NEMP2: variants seen among roughly 807,000 people sequenced by gnomAD.
NEMP2 encodes the protein nuclear envelope integral membrane protein 2, also known as UPF0571 transmembrane protein.
Under a neutral mutation model 54.2 loss-of-function variants are expected in NEMP2, and 53 were observed. That is an observed-to-expected ratio of 0.98 (90% CI 0.78 to 1.23). NEMP2 has a LOEUF of 1.23. NEMP2 is among the 50% of genes most tolerant of loss of function. The probability of loss-of-function intolerance (pLI) is 0.00; values close to 1 mark genes in which losing one functional copy is unlikely to be tolerated. For synonymous variants in NEMP2, 197 were observed against 190.3 expected, an observed-to-expected ratio of 1.04 and a Z score of -0.29; for missense variants, 455 against 511.3, an observed-to-expected ratio of 0.89 and a Z score of 1.06.
the NEMP2 span, among the ~76,000 whole-genome samples, chr2:190,627,351 G>A: frequency 8.8e-3 from 1,334 of 152,298 alleles, 18 homozygotes; most frequent in African/African-American, 0.03. This position sits in a 1 kb window ranked among gnomAD's most constrained non-coding sequence, Gnocchi z 4.4. Flanking sequence ...CACAGATAAT[G>A]TGTTTTTATT....
the NEMP2 span, among the ~76,000 whole-genome samples, chr2:190,572,844 T>TC: frequency 4.0e-5 from 4 of 100,626 alleles, no homozygotes; most frequent in African/African-American, 1.5e-4. Context: ...TATATATATA[T>TC]ATATATATAT....
At chr2:190,636,278 G>A in the NEMP2 span, among the ~76,000 whole-genome samples, 52 of 151,970 alleles carry the variant, frequency 3.4e-4, no homozygotes, top group Non-Finnish European at 5.7e-4. Flanking sequence ...TAATTATGAG[G>A]AAAAAAAATC....
In NEMP2 at chr2:190,510,658, G is replaced by T. The variant is rs1690330067; in HGVS notation, c.954-121C>A. On this transcript the variant is annotated intron_variant, in intron 7 of 8. Transcript: ENST00000409150. This position sits in a 1 kb window ranked among gnomAD's most constrained non-coding sequence, Gnocchi z 5.7. ...GCATTTTGGGAGGCCTGGGGAGGCG[G>T]ATCACGAGGTCAGGAGATTGAGACG... is the stretch of plus-strand genomic sequence containing the variant. The T allele has an allele frequency of 2.3e-6, 2 of 885,500 alleles. No individual in the cohort carries two copies. The highest frequency in any genetic ancestry group is 2.7e-5 in the East Asian group (1 of 37,578). 54.9% of individuals were successfully genotyped at this position (885,500 alleles called of 1,614,324 possible). A position where few individuals can be genotyped will look rare whatever the true frequency, so the allele number is the denominator to read the frequency against.
At chr2:190,438,514 T>TA in the NEMP2 span, among the ~76,000 whole-genome samples, 2 of 152,138 alleles carry the variant, frequency 1.3e-5, no homozygotes, top group Non-Finnish European at 2.9e-5. This position sits in a 1 kb window ranked among gnomAD's most constrained non-coding sequence, Gnocchi z 5.2. Flanking sequence ...AGACTCCATC[T>TA]AAAAAAAGAG....
the NEMP2 span, among the ~76,000 whole-genome samples, chr2:190,633,731 A>G: frequency 1.3e-5 from 2 of 152,348 alleles, no homozygotes; most frequent in East Asian, 3.9e-4. Context: ...GAGAGATAAC[A>G]TATCAATTAA....
the NEMP2 span, chr2:190,498,001 T>C: frequency 7.4e-6 from 2 of 269,932 alleles, no homozygotes; most frequent in East Asian, 7.3e-5. The surrounding 1 kb of genome is among the most constrained non-coding windows in gnomAD (Gnocchi z 5.9). Context: ...CATTCTTTCA[T>C]TGTATATTTG....
chr2:190,576,539 A>C, the NEMP2 span, among the ~76,000 whole-genome samples: 1 of 148,616 alleles, frequency 6.7e-6, no homozygotes, highest in African/African-American at 2.5e-5. Flanking sequence ...GAAGAAATTA[A>C]TGAAATGTGT....
Position 190,533,157 on chromosome 2 carries a change from C to T in NEMP2, c.97+1402G>A, listed in dbSNP as rs1262731611. On this transcript the variant is annotated intron_variant, in intron 1 of 8. Coordinates refer to ENST00000409150, the MANE Select transcript of NEMP2 (RefSeq NM_001142645.2). This position sits in a 1 kb window ranked among gnomAD's most constrained non-coding sequence, Gnocchi z 4.3. ...TTTTACTCAAGAGAAAACTACGGTCCATAAAGACTCTGTGCCTGGACCAAG... is the reference window on the plus strand; with the variant it reads ...TTTTACTCAAGAGAAAACTACGGTCTATAAAGACTCTGTGCCTGGACCAAG... Among the ~76,000 whole-genome samples, 1 of 152,152 alleles carries T rather than the reference C, an allele frequency of 6.6e-6. No homozygotes were observed. The highest frequency in any genetic ancestry group is 1.5e-5 in the Non-Finnish European group (1 of 68,028).
the NEMP2 span, among the ~76,000 whole-genome samples, chr2:190,494,703 G>A: frequency 6.6e-6 from 1 of 152,210 alleles, no homozygotes; most frequent in South Asian, 2.1e-4. The surrounding 1 kb of genome is among the most constrained non-coding windows in gnomAD (Gnocchi z 5.7). Context: ...ACATATGCAA[G>A]CCAATAAATG....
chr2:190,446,656 G>A, the NEMP2 span, among the ~76,000 whole-genome samples: 1 of 152,100 alleles, frequency 6.6e-6, no homozygotes, highest in East Asian at 1.9e-4. Context: ...CATGGACTAC[G>A]AACTAGAAAT....
At chr2:190,502,900 G>C (rs566693331), downstream of NEMP2, among the ~76,000 whole-genome samples, 75 of 152,286 alleles carry the variant, frequency 4.9e-4, 2 homozygotes, top group South Asian at 0.015. This position sits in a 1 kb window ranked among gnomAD's most constrained non-coding sequence, Gnocchi z 4.4. Flanking sequence ...AACAGTTTAA[G>C]TTATGAGATC....
At chr2:190,537,384 T>A (rs1185873250), upstream of NEMP2, among the ~76,000 whole-genome samples, 2 of 152,164 alleles carry the variant, frequency 1.3e-5, no homozygotes, top group Non-Finnish European at 2.9e-5. Flanking sequence ...GGTAACTGAA[T>A]CATGGGGGTT....
At chr2:190,638,915 G>A in the NEMP2 span, among the ~76,000 whole-genome samples, 36,029 of 152,058 alleles carry the variant, frequency 0.24, 4,975 homozygotes, top group South Asian at 0.34. The surrounding 1 kb of genome is among the most constrained non-coding windows in gnomAD (Gnocchi z 5.7). Flanking sequence ...AACAAGGACC[G>A]GAACAAACAA....
At chr2:190,451,458 G>C in the NEMP2 span, among the ~76,000 whole-genome samples, 7 of 152,182 alleles carry the variant, frequency 4.6e-5, no homozygotes, top group East Asian at 3.9e-4. This position sits in a 1 kb window ranked among gnomAD's most constrained non-coding sequence, Gnocchi z 5.0. Flanking sequence ...GGGATATATG[G>C]AATCTGTAAT....
the NEMP2 span, among the ~76,000 whole-genome samples, chr2:190,565,908 CTGTGAGAAAATTAATTTCTGTTGTT>C: frequency 6.6e-6 from 1 of 152,210 alleles, no homozygotes; most frequent in Non-Finnish European, 1.5e-5. Context: ...GCCACCAGAA[CTGTGAGAAAATTAATTTCTGTTGTT>C]TAAGCCACTA....
the NEMP2 span, among the ~76,000 whole-genome samples, chr2:190,473,101 A>G: frequency 6.6e-6 from 1 of 152,242 alleles, no homozygotes. Flanking sequence ...AAACATGGAA[A>G]GGAACAACCG....
downstream of NEMP2, among the ~76,000 whole-genome samples, chr2:190,503,118 A>G (rs996798463): frequency 5.3e-5 from 8 of 152,208 alleles, no homozygotes; most frequent in Admixed American, 5.2e-4. This position sits in a 1 kb window ranked among gnomAD's most constrained non-coding sequence, Gnocchi z 6.3. Flanking sequence ...GGATTTCTAG[A>G]TATTCCTAGA....
upstream of NEMP2, among the ~76,000 whole-genome samples, chr2:190,539,290 T>G (rs955823018): frequency 3.3e-5 from 5 of 152,196 alleles, no homozygotes; most frequent in Non-Finnish European, 7.4e-5. This position sits in a 1 kb window ranked among gnomAD's most constrained non-coding sequence, Gnocchi z 4.1. Context: ...GGTTCTGTAT[T>G]CTGTGCCATT....
At chr2:190,483,442 A>AT in the NEMP2 span, among the ~76,000 whole-genome samples, 2 of 152,170 alleles carry the variant, frequency 1.3e-5, no homozygotes, top group African/African-American at 2.4e-5. Context: ...TTTTTGGAAA[A>AT]TGAAGAAAAA....
Sources: gnomAD v4.1 joint callset for allele counts (sites outside exome capture counted in the v4.1 genomes callset) on GRCh38, gnomAD v4.1.1 for gene constraint, Gnocchi (gnomAD v3.1) non-coding constraint, MANE v1.5 for transcripts, NCBI Gene and HGNC (gene_info 2026-07-23, HGNC 2026-07-21) for gene names.